The following BOC variants were observed in gnomAD, a reference collection of about 807,000 sequenced individuals.
BOC encodes the protein brother of CDO.
Under a neutral mutation model 112.0 loss-of-function variants are expected in BOC, and 76 were observed. The ratio of observed to expected loss-of-function variants is 0.68; its 90% confidence interval spans 0.56 to 0.82. The LOEUF (loss-of-function observed/expected upper bound fraction) is 0.82, where lower values mean the gene tolerates loss of function less well. BOC is among the 40% of genes least tolerant of loss of function. The pLI, the probability that BOC is intolerant of heterozygous loss-of-function variation, is 0.00. For synonymous variants in BOC, 580 were observed against 599.8 expected, an observed-to-expected ratio of 0.97 and a Z score of 0.48; for missense variants, 1,309 against 1,511.7, an observed-to-expected ratio of 0.87 and a Z score of 2.22.
intron 9 of BOC, among the ~76,000 whole-genome samples, chr3:113,276,534 C>G (rs1220356477): frequency 1.3e-5 from 2 of 152,188 alleles, no homozygotes; most frequent in African/African-American, 2.4e-5. Context: ...CAGTTCCTCT[C>G]TTACGGAACT....
rs752575727 is a variant in BOC at position 113,278,076 on chromosome 3, T to C, written c.1543-19T>C. ...CCCGAGGCTGAGATGCCGGTCTTTATACCAGCTACCTTCTCCAGCAGGTCA... is the reference window on the plus strand; with the variant it reads ...CCCGAGGCTGAGATGCCGGTCTTTACACCAGCTACCTTCTCCAGCAGGTCA... On this transcript the variant is annotated intron_variant, in intron 9 of 19. Transcript: ENST00000682979. The surrounding 1 kb of genome is among the most constrained non-coding windows in gnomAD (Gnocchi z 4.2). The C allele has an allele frequency of 6.2e-6, 10 of 1,613,898 alleles. No homozygotes were observed. In the East Asian group the frequency reaches 2.0e-4, roughly 32 times the overall value.
intron 3 of BOC, 103 bp from the exon 4 acceptor site, chr3:113,250,452 G>T (rs1255920906): frequency 1.5e-6 from 2 of 1,358,114 alleles, no homozygotes; most frequent in Non-Finnish European, 2.0e-6. Context: ...CAGCTTCTCT[G>T]GTGGCCACTT....
intron 4 of BOC, among the ~76,000 whole-genome samples, chr3:113,255,392 C>T (rs143803411): frequency 4.6e-5 from 7 of 152,314 alleles, no homozygotes; most frequent in African/African-American, 7.2e-5. Flanking sequence ...GAGTCACAAC[C>T]GACTCATCAG....
intron 4 of BOC, 85 bp downstream of exon 4, chr3:113,250,918 C>T (rs1945549883): frequency 1.3e-6 from 2 of 1,515,206 alleles, no homozygotes; most frequent in African/African-American, 1.4e-5. Flanking sequence ...CATGCTGCCT[C>T]TTGTTACTCT....
At chr3:113,243,018 G>C (rs1475920324) in intron 2 of BOC, among the ~76,000 whole-genome samples, 4 of 152,202 alleles carry the variant, frequency 2.6e-5, no homozygotes, top group Non-Finnish European at 5.9e-5. Flanking sequence ...GTTGTCATGT[G>C]TCACAACAGT....
At chr3:113,279,548 C>T (rs940608131) in intron 12 of BOC, 93 bp downstream of exon 12, 25 of 1,259,370 alleles carry the variant, frequency 2.0e-5, no homozygotes, top group South Asian at 1.4e-4. Flanking sequence ...CCCCTTCTCT[C>T]GGCCCAGGCC....
rs770186368 is a variant in BOC at position 113,284,573 on chromosome 3, G to A, written c.2889+6G>A. The A allele has an allele frequency of 9.2e-5, 148 of 1,607,246 alleles. No homozygotes were observed. Among genetic ancestry groups the A allele is most frequent in the Non-Finnish European group, 1.1e-4 (135 of 1,176,826 alleles). On this transcript the variant is annotated splice_donor_region_variant and intron_variant, in intron 17 of 19. Coordinates refer to ENST00000682979, the MANE Select transcript of BOC (RefSeq NM_001378074.1). The stretch of plus-strand genomic sequence containing the variant: ...GCCCAGGCGAGCTTCAGCAGGTAGC[G>A]CATTCTTGGGTGTGGGCGGCAGGTA...
chr3:113,226,551 G>A (rs886686686), intron 2 of BOC, among the ~76,000 whole-genome samples: 3 of 152,212 alleles, frequency 2.0e-5, no homozygotes, highest in Non-Finnish European at 2.9e-5. Context: ...GAGGAACTGC[G>A]TGTCCAATTG....
At chr3:113,217,582 G>C (rs972017054) in intron 2 of BOC, among the ~76,000 whole-genome samples, 3 of 152,056 alleles carry the variant, frequency 2.0e-5, no homozygotes, top group Non-Finnish European at 4.4e-5. Context: ...CTTCTTGAGA[G>C]AGAGAGGAGT....
chr3:113,274,252 G>A lies in BOC; in HGVS notation c.1235-123G>A, dbSNP rs900434562. 8 of 878,162 alleles carry A rather than the reference G, an allele frequency of 9.1e-6. No homozygotes were observed. The highest frequency in any genetic ancestry group is 7.0e-5 in the South Asian group (3 of 43,150). The allele number at this position is 878,162 out of a possible 1,614,324, so 54.4% of individuals were successfully genotyped here. Reference sequence around the variant, plus strand: ...GGCTGGGCAGCACAGAGTGGGTGGCGGTACAGCTGATGGTGGGCCCAGGTT... The same window carrying A: ...GGCTGGGCAGCACAGAGTGGGTGGCAGTACAGCTGATGGTGGGCCCAGGTT... On this transcript the variant is annotated intron_variant, in intron 8 of 19. Transcript: ENST00000682979. This position sits in a 1 kb window ranked among gnomAD's most constrained non-coding sequence, Gnocchi z 4.8.
Position 113,286,686 on chromosome 3 carries a change from T to G in BOC, c.3172T>G (p.Cys1058Gly), listed in dbSNP as rs1949731846. Residue 1058 changes from cysteine to glycine, a missense_variant, in exon 20 of 20, where the codon TGC becomes GGC. Coordinates refer to ENST00000682979, the MANE Select transcript of BOC (RefSeq NM_001378074.1). Reference sequence around the variant, plus strand: ...CTTTCTCCCCTCAGGGCCCCCATGCTGCTTGGGCCTTGTGCCAGTTGAAGA... The same window carrying G: ...CTTTCTCCCCTCAGGGCCCCCATGCGGCTTGGGCCTTGTGCCAGTTGAAGA... Reference protein sequence around the residue: ...DPPFHSGPPCCLGLVPVEEVD... With the variant: ...DPPFHSGPPCGLGLVPVEEVD... 1.9e-6 allele frequency: 3 copies of G among 1,584,924 alleles called. No individual in the cohort carries two copies. In the African/African-American group the frequency reaches 4.1e-5, roughly 22 times the overall value.
rs1947724203 is a variant in BOC, at chr3:113,268,226, G to A, written c.377-73G>A. Reference sequence around the variant, plus strand: ...CTTTGTCATGACTGACAACACCAAGGCACAAGCCCACCCTGAAATGTCACA... The same window carrying A: ...CTTTGTCATGACTGACAACACCAAGACACAAGCCCACCCTGAAATGTCACA... On this transcript the variant is annotated intron_variant, in intron 4 of 19. Transcript: ENST00000682979. The A allele has an allele frequency of 3.2e-6, 5 of 1,584,354 alleles. No individual in the cohort carries two copies. The South Asian group carries it at 4.7e-5, about 15-fold the overall frequency.
chr3:113,283,682 C>A, intron 16 of BOC, 50 bp downstream of exon 16: 1 of 1,551,644 alleles, frequency 6.4e-7, no homozygotes, highest in South Asian at 1.1e-5. Flanking sequence ...GAAATGGGGG[C>A]TCCACTAAGG....
At chr3:113,247,716 T>G (rs147370956) in intron 2 of BOC, among the ~76,000 whole-genome samples, 5 of 152,238 alleles carry the variant, frequency 3.3e-5, no homozygotes, top group Non-Finnish European at 7.4e-5. Flanking sequence ...GTGTAAGAGC[T>G]TAGCGAGTTC....
chr3:113,225,878 A>T (rs572284843), intron 2 of BOC, among the ~76,000 whole-genome samples: 62 of 152,358 alleles, frequency 4.1e-4, no homozygotes, highest in African/African-American at 1.4e-3. Flanking sequence ...GGAGAGGCAG[A>T]TGATAAAGAA....
chr3:113,225,232 C>A (rs1211093397), intron 2 of BOC, among the ~76,000 whole-genome samples: 1 of 151,918 alleles, frequency 6.6e-6, no homozygotes, highest in Non-Finnish European at 1.5e-5. Flanking sequence ...CGAGATTGCA[C>A]CACTGCACTC....
intron 14 of BOC, 82 bp downstream of exon 14, chr3:113,280,745 T>A: frequency 8.3e-7 from 1 of 1,197,644 alleles, no homozygotes; most frequent in Non-Finnish European, 1.2e-6. Context: ...TGGTGAAATC[T>A]GGTGAAGCAT....
chr3:113,222,761 C>G (rs1191169221), intron 2 of BOC, among the ~76,000 whole-genome samples: 2 of 152,252 alleles, frequency 1.3e-5, no homozygotes, highest in East Asian at 3.8e-4. Context: ...TGTTTTTTAT[C>G]TGGGATTTCC....
chr3:113,225,088 CAAAA>C (rs746184653), intron 2 of BOC, among the ~76,000 whole-genome samples: 1 of 150,522 alleles, frequency 6.6e-6, no homozygotes, highest in African/African-American at 2.4e-5. Flanking sequence ...AAAACAAAAA[CAAAA>C]ACAAAACAAA....
Sources: gnomAD v4.1 joint callset for allele counts (sites outside exome capture counted in the v4.1 genomes callset) on GRCh38, gnomAD v4.1.1 for gene constraint, Gnocchi (gnomAD v3.1) non-coding constraint, MANE v1.5 for transcripts, NCBI Gene and HGNC (gene_info 2026-07-23, HGNC 2026-07-21) for gene names.